MDGA2: variants seen among roughly 807,000 people sequenced by gnomAD.
MDGA2 encodes MAM domain containing glycosylphosphatidylinositol anchor 2.
MDGA2 carries 40 observed loss-of-function variants against 117.8 expected under a neutral mutation model. That is an observed-to-expected ratio of 0.34 (90% CI 0.26 to 0.44). The LOEUF is 0.44. Among genes scored for constraint, MDGA2 ranks in the 20% least tolerant of loss-of-function variants. The pLI is 1.00. For missense variants in MDGA2, 1,123 were observed against 1,250.6 expected (o/e 0.90, Z 1.54); for synonymous variants, 452 against 439.0 (o/e 1.03, Z -0.37).
chr14:47,010,233 A>G lies in MDGA2; in HGVS notation c.1819+24778T>C, dbSNP rs573376038. ...CTTTGGATCCTCAGCACTTAGTCCA[A>G]TTGCTGGCATGCAAATAGTCAATAG... On this transcript the variant is annotated intron_variant, in intron 8 of 16. Coordinates refer to ENST00000399232, the MANE Select transcript of MDGA2 (RefSeq NM_001113498.3). 1.1e-4 allele frequency among the ~76,000 whole-genome samples: 17 copies of G among 152,188 alleles called. 1 individual carries two copies. The East Asian group carries it at 1.5e-3, about 14-fold the overall frequency.
intron 2 of MDGA2, among the ~76,000 whole-genome samples, chr14:47,242,925 G>A (rs1165569914): frequency 1.3e-5 from 2 of 151,830 alleles, no homozygotes; most frequent in African/African-American, 4.8e-5. Flanking sequence ...GTGGGGACGT[G>A]GAGAGTCTTT....
chr14:47,049,706 G>GTTT (rs1275716609), intron 7 of MDGA2, among the ~76,000 whole-genome samples: 1 of 151,910 alleles, frequency 6.6e-6, no homozygotes, highest in African/African-American at 2.4e-5. Flanking sequence ...TATATAGAGG[G>GTTT]CTGACTGTAT....
chr14:47,038,212 G>A (rs897728746), intron 7 of MDGA2, among the ~76,000 whole-genome samples: 4 of 152,124 alleles, frequency 2.6e-5, no homozygotes, highest in Admixed American at 6.5e-5. Flanking sequence ...GATTACAAGC[G>A]TGAGCCACCG....
At chr14:47,351,117 C>A (rs1028504600) in intron 1 of MDGA2, among the ~76,000 whole-genome samples, 1 of 142,540 alleles carries the variant, frequency 7.0e-6, no homozygotes, top group Non-Finnish European at 1.5e-5. Flanking sequence ...TTGCTCTTGT[C>A]CCCCTGGCTG....
chr14:47,005,533 T>C (rs1039485583), intron 8 of MDGA2, among the ~76,000 whole-genome samples: 39 of 151,660 alleles, frequency 2.6e-4, no homozygotes, highest in African/African-American at 9.2e-4. Context: ...AGAATTTTCA[T>C]GTCCATGTTC....
At chr14:47,221,712 G>A (rs980177327) in intron 2 of MDGA2, among the ~76,000 whole-genome samples, 9 of 148,530 alleles carry the variant, frequency 6.1e-5, no homozygotes, top group South Asian at 2.1e-4. Context: ...AAGAGATTAC[G>A]GGAAGTGAGT....
intron 1 of MDGA2, among the ~76,000 whole-genome samples, chr14:47,475,247 A>G (rs1224172589): frequency 6.6e-6 from 1 of 152,210 alleles, no homozygotes; most frequent in African/African-American, 2.4e-5. Flanking sequence ...TCATCATTAG[A>G]GAAATGCAAA....
intron 1 of MDGA2, among the ~76,000 whole-genome samples, chr14:47,437,677 G>T (rs1274901567): frequency 6.6e-6 from 1 of 152,122 alleles, no homozygotes; most frequent in Non-Finnish European, 1.5e-5. Context: ...TGTGATCAGG[G>T]AACTGGGGCC....
intron 2 of MDGA2, among the ~76,000 whole-genome samples, chr14:47,268,263 C>CG (rs1204118808): frequency 6.6e-6 from 1 of 151,730 alleles, no homozygotes; most frequent in Non-Finnish European, 1.5e-5. Flanking sequence ...TTAGTAGAGA[C>CG]GGGGTTTCAC....
At chr14:46,982,297 T>C (rs893060802) in intron 8 of MDGA2, among the ~76,000 whole-genome samples, 1 of 152,138 alleles carries the variant, frequency 6.6e-6, no homozygotes, top group Admixed American at 6.6e-5. Context: ...TATTATACTA[T>C]GATTAAAATG....
At chr14:47,056,114 A>G (rs1188039062) in intron 7 of MDGA2, among the ~76,000 whole-genome samples, 1 of 152,130 alleles carries the variant, frequency 6.6e-6, no homozygotes, top group Non-Finnish European at 1.5e-5. Context: ...TACTATAGCC[A>G]TTCTATAAAA....
chr14:46,962,021 C>T (rs928855044), intron 8 of MDGA2, among the ~76,000 whole-genome samples: 1 of 152,084 alleles, frequency 6.6e-6, no homozygotes, highest in African/African-American at 2.4e-5. Context: ...CCTGTGTGTT[C>T]TTGATTAATT....
chr14:47,287,143 G>T (rs928883145), intron 2 of MDGA2, among the ~76,000 whole-genome samples: 10 of 151,944 alleles, frequency 6.6e-5, no homozygotes, highest in African/African-American at 2.4e-4. Context: ...GGAGACAGTA[G>T]AATTTAAAAC....
At chr14:47,398,670 T>C (rs1158292248) in intron 1 of MDGA2, among the ~76,000 whole-genome samples, 1 of 152,048 alleles carries the variant, frequency 6.6e-6, no homozygotes, top group Non-Finnish European at 1.5e-5. Flanking sequence ...TGAACTCAGG[T>C]TCTGTGGTGC....
chr14:46,941,081 A>G (rs764864100), intron 9 of MDGA2, among the ~76,000 whole-genome samples: 1 of 152,222 alleles, frequency 6.6e-6, no homozygotes, highest in Non-Finnish European at 1.5e-5. Context: ...AGAACAAGAA[A>G]AAGAATAGAG....
chr14:47,061,210 A>T, intron 7 of MDGA2, 39 bp downstream of exon 7: 1 of 1,541,566 alleles, frequency 6.5e-7, no homozygotes, highest in Non-Finnish European at 8.9e-7. Context: ...ATCATTCTAA[A>T]TGTGAACATC....
At chr14:47,668,635 GC>G (rs1898020521) in intron 1 of MDGA2, among the ~76,000 whole-genome samples, 1 of 152,190 alleles carries the variant, frequency 6.6e-6, no homozygotes, top group Non-Finnish European at 1.5e-5. Flanking sequence ...AGTCACTGAA[GC>G]AAAGAAACAA....
chr14:47,362,499 A>G (rs1891147139), intron 1 of MDGA2, among the ~76,000 whole-genome samples: 1 of 152,076 alleles, frequency 6.6e-6, no homozygotes, highest in Non-Finnish European at 1.5e-5. Context: ...AATGTGCTTA[A>G]TATTATCCAG....
chr14:47,579,625 A>G (rs1403263712), intron 1 of MDGA2, among the ~76,000 whole-genome samples: 2 of 152,094 alleles, frequency 1.3e-5, no homozygotes, highest in Non-Finnish European at 2.9e-5. Flanking sequence ...CAATGGACTG[A>G]TATGATAATT....
Sources: gnomAD v4.1 joint callset for allele counts (sites outside exome capture counted in the v4.1 genomes callset) on GRCh38, gnomAD v4.1.1 for gene constraint, MANE v1.5 for transcripts, NCBI Gene and HGNC (gene_info 2026-07-23, HGNC 2026-07-21) for gene names.